CUL7: variants seen among roughly 807,000 people sequenced by gnomAD.
CUL7 encodes cullin-7.
CUL7 carries 96 observed loss-of-function variants against 177.7 expected under a neutral mutation model. The observed-to-expected ratio is 0.54, with a 90% CI of 0.46 to 0.64. The LOEUF is 0.64. Among genes scored for constraint, CUL7 ranks in the 30% least tolerant of loss-of-function variants. CUL7 has a pLI of 0.00. For missense variants in CUL7, 1,893 were observed against 2,187.9 expected, an observed-to-expected ratio of 0.87 and a Z score of 2.69; for synonymous variants, 824 against 890.2, an observed-to-expected ratio of 0.93 and a Z score of 1.32.
rs1420484254 is a variant in CUL7, at chr6:43,043,819, G to A, written c.3173-189C>T. Among the ~76,000 whole-genome samples the A allele has an allele frequency of 6.6e-6, 1 of 152,038 alleles. No homozygotes were observed. Among genetic ancestry groups the A allele is most frequent in the Admixed American group, 6.6e-5 (1 of 15,258 alleles). ...TGAGATGAGAGGATCGCTTGAGGCAGGAGTTCAAGACTGGCCTGGTCAACA... is the reference window on the plus strand; with the variant it reads ...TGAGATGAGAGGATCGCTTGAGGCAAGAGTTCAAGACTGGCCTGGTCAACA... On this transcript the variant is annotated intron_variant, in intron 16 of 25. Transcript: ENST00000265348. This position sits in a 1 kb window ranked among gnomAD's most constrained non-coding sequence, Gnocchi z 4.2.
Position 43,045,718 on chromosome 6 carries a change from A to C in CUL7, c.2767-36T>G. 1 of 1,604,226 alleles carries C rather than the reference A, an allele frequency of 6.2e-7. No individual in the cohort carries two copies. Among genetic ancestry groups the C allele is most frequent in the South Asian group, 1.1e-5 (1 of 90,832 alleles). ...GCAGAGAAAGCTGTCACCTCCACAC[A>C]TGCAGAGCCAAGTTGGCTCTAGGCT... is the stretch of plus-strand genomic sequence containing the variant. On this transcript the variant is annotated intron_variant, in intron 13 of 25. Coordinates refer to ENST00000265348, the MANE Select transcript of CUL7 (RefSeq NM_014780.5). The surrounding 1 kb of genome is among the most constrained non-coding windows in gnomAD (Gnocchi z 4.8).
rs1446521134 is a variant in CUL7 at position 43,052,727 on chromosome 6, T to A, written c.62A>T (p.Tyr21Phe). ...GCGCTGGCGGATCAGCTCATCAGGA[T>A]AGGCATGTAAGCCGGGCCCCAGGGG... ...RVPLGPGLHA[Y>F]PDELIRQRVG... The change falls in exon 2 of 26, where the codon TAT (tyrosine) becomes TTT (phenylalanine). Residue 21 changes from tyrosine (Y) to phenylalanine (F), a missense_variant. Physicochemically the swap from Tyr to Phe is conservative, Grantham distance 22 (BLOSUM62 3). Around this residue, in one of 5 missense-constraint regions of CUL7, gnomAD observed 653 missense variants for 725.2 expected, o/e 0.90. Transcript: ENST00000265348. The surrounding 1 kb of genome is among the most constrained non-coding windows in gnomAD (Gnocchi z 4.5). The A allele has an allele frequency of 1.2e-6, 2 of 1,612,464 alleles. No homozygotes were observed. Among genetic ancestry groups the A allele is most frequent in the Admixed American group, 3.3e-5 (2 of 60,014 alleles).
rs1412439242 is a variant in CUL7, at chr6:43,038,307, T to C, written c.4733A>G (p.His1578Arg). ...NCLIVRILKAHGDEGLHIDQL... is the reference protein window; with the variant it reads ...NCLIVRILKARGDEGLHIDQL... ...GTCAATGTGCAGCCCCTCATCTCCA[T>C]GGGCCTTGAGGATTCGGACGATGAG... The change falls in exon 25 of 26, where the codon CAT (histidine) becomes CGT (arginine). Residue 1578 changes from histidine to arginine, a missense_variant. His to Arg is a conservative substitution (Grantham distance 29). Transcript: ENST00000265348. 2.8e-5 allele frequency: 45 copies of C among 1,614,044 alleles called. No homozygotes were observed. The highest frequency in any genetic ancestry group is 3.5e-5 in the Non-Finnish European group (41 of 1,180,040).
intron 19 of CUL7, among the ~76,000 whole-genome samples, chr6:43,041,692 G>A (rs2150312549): frequency 1.3e-5 from 2 of 151,064 alleles, no homozygotes; most frequent in East Asian, 3.9e-4. Context: ...GAAGGGGAAG[G>A]GAAGGGAAGG....
Position 43,038,530 on chromosome 6 carries a change from C to T in CUL7, c.4567+36G>A, listed in dbSNP as rs370996333. 6 of 1,613,856 alleles carry T rather than the reference C, an allele frequency of 3.7e-6. No homozygotes were observed. In the African/African-American group the frequency reaches 8.0e-5, roughly 22 times the overall value. ...GAGCCCACGAGGAGCCTGGCCCTGCCTCAGAGCAGAGGCCCCTCTGGCCCT... is the reference window on the plus strand; with the variant it reads ...GAGCCCACGAGGAGCCTGGCCCTGCTTCAGAGCAGAGGCCCCTCTGGCCCT... On this transcript the variant is annotated intron_variant, in intron 24 of 25. Coordinates refer to ENST00000265348, the MANE Select transcript of CUL7 (RefSeq NM_014780.5).
rs750369463 is a variant in CUL7 at position 43,040,962 on chromosome 6, C to T, written c.3759G>A (p.Leu1253=). ...AQLQQCLQAV[L]IFSGLEIATT... is the part of the protein sequence containing the mutation. Reference sequence around the variant, plus strand: ...TGGCTATCTCCAAGCCGGAGAAAATCAGGACAGCTTGCAGGCATTGCTGCA... The same window carrying T: ...TGGCTATCTCCAAGCCGGAGAAAATTAGGACAGCTTGCAGGCATTGCTGCA... Residue 1253 remains leucine, a synonymous_variant, in exon 20 of 26, where the codon CTG becomes CTA. Transcript: ENST00000265348. This position sits in a 1 kb window ranked among gnomAD's most constrained non-coding sequence, Gnocchi z 4.2. 4 of 1,613,388 alleles carry T rather than the reference C, an allele frequency of 2.5e-6. No individual in the cohort carries two copies. In the Admixed American group the frequency reaches 5.0e-5, roughly 20 times the overall value.
At position 43,048,326 on chromosome 6, in the gene CUL7, T is replaced by C; in HGVS notation, c.2063+6A>G. ...TCAGAGATCCCACCTGTCACCATGCTCTCACCTCAGCACAGTCAGGTGCAG... is the reference window on the plus strand; with the variant it reads ...TCAGAGATCCCACCTGTCACCATGCCCTCACCTCAGCACAGTCAGGTGCAG... On this transcript the variant is annotated splice_donor_region_variant and intron_variant, in intron 8 of 25. Coordinates refer to ENST00000265348, the MANE Select transcript of CUL7 (RefSeq NM_014780.5). 1 of 1,602,478 alleles carries C rather than the reference T, an allele frequency of 6.2e-7. No individual in the cohort carries two copies.
At position 43,048,406 on chromosome 6, in the gene CUL7, C is replaced by T. The variant is rs200995249; in HGVS notation, c.1989G>A (p.Pro663=). Residue 663 remains proline, a synonymous_variant, in exon 8 of 26, where the codon CCG becomes CCA. Coordinates refer to ENST00000265348, the MANE Select transcript of CUL7 (RefSeq NM_014780.5). ...KPLLLQLQRQ[P]QPFLALMQSL... ...TCTGCATCAGTGCCAGGAAGGGCTG[C>T]GGCTGCCGCTGCAGCTGCAGCAGGA... 22 of 1,613,518 alleles carry T rather than the reference C, an allele frequency of 1.4e-5. No individual in the cohort carries two copies. The East Asian group carries it at 2.7e-4, about 20-fold the overall frequency.
chr6:43,044,547 C>T (rs1315820176), intron 16 of CUL7, among the ~76,000 whole-genome samples: 1 of 152,004 alleles, frequency 6.6e-6, no homozygotes, highest in African/African-American at 2.4e-5. Flanking sequence ...CAAGGCACCT[C>T]CAGCACTTAT....
chr6:43,040,677 G>C lies in CUL7; in HGVS notation c.3876C>G (p.Ile1292Met). ...GGAGGCGGTTGGGGAAGCAGGGACCGATCTGCTCCAGCACGGCCCCCTCCA... is the reference window on the plus strand; with the variant it reads ...GGAGGCGGTTGGGGAAGCAGGGACCCATCTGCTCCAGCACGGCCCCCTCCA... ...SWLEGAVLEQ[I>M]GPCFPNRLPQ... Residue 1292 changes from isoleucine (I) to methionine (M), a missense_variant, in exon 21 of 26, where the codon ATC becomes ATG. Transcript: ENST00000265348. This position sits in a 1 kb window ranked among gnomAD's most constrained non-coding sequence, Gnocchi z 4.2. The C allele has an allele frequency of 6.2e-7, 1 of 1,614,192 alleles. No individual in the cohort carries two copies. The highest frequency in any genetic ancestry group is 8.5e-7 in the Non-Finnish European group (1 of 1,180,040).
chr6:43,039,785 G>A (rs190629329), intron 22 of CUL7, among the ~76,000 whole-genome samples: 2 of 144,438 alleles, frequency 1.4e-5, no homozygotes, highest in Non-Finnish European at 1.5e-5. Flanking sequence ...TGTCGCCCAG[G>A]CTAGAGTGCA....
Position 43,051,603 on chromosome 6 carries a change from A to G in CUL7, c.732+9T>C. ...CAAGTTCCCCCCACCTTACACCCCC[A>G]AAGGTTACCTGTGGTAGCTGAATGC... On this transcript the variant is annotated intron_variant, in intron 3 of 25. Coordinates refer to ENST00000265348, the MANE Select transcript of CUL7 (RefSeq NM_014780.5). This position sits in a 1 kb window ranked among gnomAD's most constrained non-coding sequence, Gnocchi z 5.0. 6.2e-7 allele frequency: 1 copy of G among 1,614,090 alleles called. No homozygotes were observed. Among genetic ancestry groups the G allele is most frequent in the Non-Finnish European group, 8.5e-7 (1 of 1,180,016 alleles).
Position 43,046,077 on chromosome 6 carries a change from A to G in CUL7, c.2675T>C (p.Leu892Pro). Residue 892 changes from leucine to proline, a missense_variant, in exon 13 of 26, where the codon CTT becomes CCT. Coordinates refer to ENST00000265348, the MANE Select transcript of CUL7 (RefSeq NM_014780.5). ...GTAACTCGAGTCCTCACTAGCCACA[A>G]GCAGAGTCAGTTGCCTGGGAGTGGG... ...RGILIRQLTL[L>P]VASEDSSYMP... 15 of 1,614,180 alleles carry G rather than the reference A, an allele frequency of 9.3e-6. No individual in the cohort carries two copies. The highest frequency in any genetic ancestry group is 1.2e-5 in the Non-Finnish European group (14 of 1,179,996).
chr6:43,051,823 G>C lies in CUL7; in HGVS notation c.581-60C>G. 1 of 1,581,186 alleles carries C rather than the reference G, an allele frequency of 6.3e-7. No individual in the cohort carries two copies. Among genetic ancestry groups the C allele is most frequent in the Non-Finnish European group, 8.7e-7 (1 of 1,150,718 alleles). On this transcript the variant is annotated intron_variant, in intron 2 of 25. Coordinates refer to ENST00000265348, the MANE Select transcript of CUL7 (RefSeq NM_014780.5). This position sits in a 1 kb window ranked among gnomAD's most constrained non-coding sequence, Gnocchi z 5.0. The stretch of plus-strand genomic sequence containing the variant: ...AATCTCACCCTTCCTAGAAATCTTA[G>C]ACCCTCTACTCTTTCAATCCAATCC...
chr6:43,048,414 G>C lies in CUL7; in HGVS notation c.1981C>G (p.Arg661Gly). 6.2e-7 allele frequency: 1 copy of C among 1,613,922 alleles called. No homozygotes were observed. Among genetic ancestry groups the C allele is most frequent in the South Asian group, 1.1e-5 (1 of 91,074 alleles). Residue 661 changes from arginine to glycine, a missense_variant, in exon 8 of 26, where the codon CGG becomes GGG. By Grantham distance (125) the Arg-to-Gly change is moderately radical. Around this residue, in one of 5 missense-constraint regions of CUL7, gnomAD observed 973 missense variants for 1,140.9 expected, o/e 0.85. Coordinates refer to ENST00000265348, the MANE Select transcript of CUL7 (RefSeq NM_014780.5). The stretch of plus-strand genomic sequence containing the variant: ...AGTGCCAGGAAGGGCTGCGGCTGCC[G>C]CTGCAGCTGCAGCAGGAGTGGCTTG... ...KVKPLLLQLQ[R>G]QPQPFLALMQ...
In CUL7 at chr6:43,045,486, G is replaced by C. The variant is rs974893786; in HGVS notation, c.2863-84C>G. 6 of 1,613,504 alleles carry C rather than the reference G, an allele frequency of 3.7e-6. No individual in the cohort carries two copies. Among genetic ancestry groups the C allele is most frequent in the Non-Finnish European group, 4.2e-6 (5 of 1,179,562 alleles). On this transcript the variant is annotated intron_variant, in intron 14 of 25. Transcript: ENST00000265348. This position sits in a 1 kb window ranked among gnomAD's most constrained non-coding sequence, Gnocchi z 4.8. ...GCTACGCCCTCGAACCTCACCCCTG[G>C]AGCTGCTCGAGACCCAGGCTGGTCC...
At chr6:43,047,857 AAATT>A in intron 9 of CUL7, 1 of 446,172 alleles carries the variant, frequency 2.2e-6, no homozygotes. Flanking sequence ...AAAGATACAT[AAATT>A]AATACAAGTA....
intron 6 of CUL7, 107 bp downstream of exon 6, chr6:43,049,856 C>A: frequency 7.3e-7 from 1 of 1,370,598 alleles, no homozygotes; most frequent in Non-Finnish European, 1.0e-6. Flanking sequence ...GCAGCCCCTT[C>A]CACTCTCTGA....
Position 43,051,945 on chromosome 6 carries a change from T to C in CUL7, c.581-182A>G, listed in dbSNP as rs1049459692. ...CACACACACGCACATAAACACGATCTACAATAGTCTAAACTCTAAATTCTT... is the reference window on the plus strand; with the variant it reads ...CACACACACGCACATAAACACGATCCACAATAGTCTAAACTCTAAATTCTT... On this transcript the variant is annotated intron_variant, in intron 2 of 25. Coordinates refer to ENST00000265348, the MANE Select transcript of CUL7 (RefSeq NM_014780.5). This position sits in a 1 kb window ranked among gnomAD's most constrained non-coding sequence, Gnocchi z 5.0. 7.9e-5 allele frequency among the ~76,000 whole-genome samples: 12 copies of C among 152,214 alleles called. No individual in the cohort carries two copies. The highest frequency in any genetic ancestry group is 2.9e-4 in the African/African-American group (12 of 41,466).
Sources: gnomAD v4.1 joint callset for allele counts (sites outside exome capture counted in the v4.1 genomes callset) on GRCh38, gnomAD v4.1.1 for gene constraint, gnomAD v4.1.1 regional missense constraint, Gnocchi (gnomAD v3.1) non-coding constraint, MANE v1.5 for transcripts, NCBI Gene and HGNC (gene_info 2026-07-23, HGNC 2026-07-21) for gene names.